Variants in SP140 observed in about 807,000 individuals in gnomAD.
SP140 encodes the protein SP140 nuclear body protein.
A neutral mutation model predicts 125.0 loss-of-function variants in SP140; 81 were observed. That is an observed-to-expected ratio of 0.65 (90% CI 0.54 to 0.78). The LOEUF (loss-of-function observed/expected upper bound fraction) is 0.78. SP140 is among the 30% of genes least tolerant of loss of function. SP140 has a pLI of 0.00. For missense variants in SP140, 858 were observed against 1,037.0 expected (o/e 0.83, Z 2.37); for synonymous variants, 312 against 354.0 (o/e 0.88, Z 1.33).
intron 22 of SP140, among the ~76,000 whole-genome samples, chr2:230,303,970 G>A (rs904341068): frequency 1.3e-5 from 2 of 152,050 alleles, no homozygotes; most frequent in Non-Finnish European, 1.5e-5. Flanking sequence ...TCAAACTGTT[G>A]CTGGTCGCCA....
At chr2:230,243,419 T>G (rs1032160947) in intron 4 of SP140, among the ~76,000 whole-genome samples, 2 of 151,854 alleles carry the variant, frequency 1.3e-5, no homozygotes, top group Non-Finnish European at 2.9e-5. Context: ...AAAGAGAGGC[T>G]CCAAGAAACA....
chr2:230,225,220 C>T (rs1272746470), upstream of SP140, among the ~76,000 whole-genome samples: 1 of 152,194 alleles, frequency 6.6e-6, no homozygotes, highest in Non-Finnish European at 1.5e-5. Context: ...AGAATTGCAC[C>T]TCATTTCTCT....
rs570879295 is a variant in SP140, at chr2:230,265,164, G to A, written c.1241-4368G>A. ...TGCAGCTGCTGTGGGGGATGGGGGT[G>A]AGATTCCCATGTCACTGGAGTTGTG... On this transcript the variant is annotated intron_variant, in intron 12 of 26. Coordinates refer to ENST00000392045, the MANE Select transcript of SP140 (RefSeq NM_007237.5). Among the ~76,000 whole-genome samples, 35 of 152,226 alleles carry A rather than the reference G, an allele frequency of 2.3e-4. No homozygotes were observed. In the South Asian group the frequency reaches 7.0e-3, roughly 31 times the overall value.
chr2:230,290,983 G>A (rs951221615), intron 19 of SP140, among the ~76,000 whole-genome samples: 1 of 152,180 alleles, frequency 6.6e-6, no homozygotes, highest in African/African-American at 2.4e-5. Flanking sequence ...TCCAGCCTTT[G>A]CTGTTTCAGG....
intron 15 of SP140, among the ~76,000 whole-genome samples, chr2:230,271,038 C>A (rs762989833): frequency 3.9e-5 from 6 of 152,116 alleles, no homozygotes; most frequent in Non-Finnish European, 7.4e-5. Context: ...ATATGGGTGA[C>A]CTCTAGGAGC....
intron 9 of SP140, 51 bp from the exon 10 acceptor site, chr2:230,250,930 C>T: frequency 6.2e-7 from 1 of 1,600,494 alleles, no homozygotes; most frequent in Non-Finnish European, 8.6e-7. Context: ...CCCACGTCTT[C>T]ACTAAGTTTT....
At chr2:230,208,554 G>A (rs1031849504) in intron 1 of SP140, among the ~76,000 whole-genome samples, 1 of 152,184 alleles carries the variant, frequency 6.6e-6, no homozygotes, top group Non-Finnish European at 1.5e-5. Context: ...CAAATAAGGG[G>A]ATTCTCATCT....
At chr2:230,272,777 A>G (rs1370006153) in intron 15 of SP140, among the ~76,000 whole-genome samples, 1 of 152,236 alleles carries the variant, frequency 6.6e-6, no homozygotes. Context: ...AAGAGAACCC[A>G]GAAATAAGAC....
chr2:230,201,898 G>A (rs2043218698), upstream of SP140, among the ~76,000 whole-genome samples: 1 of 152,150 alleles, frequency 6.6e-6, no homozygotes, highest in African/African-American at 2.4e-5. Flanking sequence ...TAGTATTAAA[G>A]GTGAATATCC....
intron 11 of SP140, among the ~76,000 whole-genome samples, chr2:230,254,628 A>G (rs1489576323): frequency 2.0e-5 from 3 of 152,156 alleles, no homozygotes; most frequent in African/African-American, 7.2e-5. Context: ...AAAGGGATGA[A>G]TGTCCTGTTT....
chr2:230,295,967 G>A (rs1338784330), intron 21 of SP140, among the ~76,000 whole-genome samples: 2 of 152,116 alleles, frequency 1.3e-5, no homozygotes, highest in African/African-American at 2.4e-5. Context: ...GGCCAAACAT[G>A]GTCACTTGAG....
At chr2:230,233,162 G>A (rs1256198609) in intron 1 of SP140, among the ~76,000 whole-genome samples, 5 of 151,986 alleles carry the variant, frequency 3.3e-5, no homozygotes, top group African/African-American at 1.2e-4. Flanking sequence ...TGTAAAGTTT[G>A]TAGCCTCATT....
At chr2:230,252,986 A>G (rs1407551325) in intron 10 of SP140, among the ~76,000 whole-genome samples, 6 of 152,198 alleles carry the variant, frequency 3.9e-5, no homozygotes, top group Non-Finnish European at 5.9e-5. Context: ...AGCCTGCTCT[A>G]TGGGATAGGA....
At chr2:230,202,675 C>A (rs201742692), upstream of SP140, 1 of 1,614,120 alleles carries the variant, frequency 6.2e-7, no homozygotes, top group Non-Finnish European at 8.5e-7. Flanking sequence ...TTTTGAGGAA[C>A]CTGATCCACC....
Position 230,251,296 on chromosome 2 carries a change from G to C in SP140, c.1057+235G>C, listed in dbSNP as rs941275437. On this transcript the variant is annotated intron_variant, in intron 10 of 26. Coordinates refer to ENST00000392045, the MANE Select transcript of SP140 (RefSeq NM_007237.5). The stretch of plus-strand genomic sequence containing the variant: ...TTTATTGTTTGAACATATGTGTTTA[G>C]ATAATCACGTGGTAGTTGGATTATG... 4.6e-5 allele frequency among the ~76,000 whole-genome samples: 7 copies of C among 152,258 alleles called. No individual in the cohort carries two copies. In the South Asian group the frequency reaches 1.2e-3, roughly 27 times the overall value.
intron 21 of SP140, 81 bp from the exon 22 acceptor site, chr2:230,297,340 A>C (rs564750603): frequency 1.3e-6 from 2 of 1,501,244 alleles, no homozygotes; most frequent in African/African-American, 1.4e-5. Flanking sequence ...CCCTTCAAAG[A>C]ATACTATTTA....
chr2:230,290,497 G>A lies in SP140; in HGVS notation c.1758G>A (p.Lys586=), dbSNP rs771702086. 6.2e-7 allele frequency: 1 copy of A among 1,613,840 alleles called. No homozygotes were observed. The highest frequency in any genetic ancestry group is 8.5e-7 in the Non-Finnish European group (1 of 1,179,932). Residue 586 remains lysine (K), a synonymous_variant, in exon 19 of 27, where the codon AAG becomes AAA. Coordinates refer to ENST00000392045, the MANE Select transcript of SP140 (RefSeq NM_007237.5). The stretch of plus-strand genomic sequence containing the variant: ...ACAAAGATGAAACTGTGGATTTTAA[G>A]GCTCCTTTGCTTCCAGTGACCTGTG... ...RKHKDETVDF[K]APLLPVTCGG...
chr2:230,285,628 C>T (rs376421742), intron 16 of SP140, 124 bp from the exon 17 acceptor site: 121 of 757,080 alleles, frequency 1.6e-4, no homozygotes, highest in Middle Eastern at 1.5e-3. Context: ...GCAAAAAATG[C>T]TCTGGACACC....
intron 18 of SP140, among the ~76,000 whole-genome samples, chr2:230,289,168 C>T (rs180838606): frequency 7.8e-4 from 119 of 152,226 alleles, no homozygotes; most frequent in Non-Finnish European, 9.1e-4. Context: ...TTCTAACTGG[C>T]GTGAGATGGT....
Sources: gnomAD v4.1 joint callset for allele counts (sites outside exome capture counted in the v4.1 genomes callset) on GRCh38, gnomAD v4.1.1 for gene constraint, MANE v1.5 for transcripts, NCBI Gene and HGNC (gene_info 2026-07-23, HGNC 2026-07-21) for gene names.